ESR1: variants seen among roughly 807,000 people sequenced by gnomAD.
ESR1 encodes estrogen receptor.
Under a neutral mutation model 52.7 loss-of-function variants are expected in ESR1, and 12 were observed. The ratio of observed to expected loss-of-function variants is 0.23; its 90% CI spans 0.15 to 0.37. The LOEUF (loss-of-function observed/expected upper bound fraction) is 0.37, where lower values mean the gene tolerates loss of function less well. Ranked by LOEUF, ESR1 falls within the 10% of genes least tolerant of loss-of-function variation. The probability of loss-of-function intolerance (pLI) is 1.00; values close to 1 mark genes in which losing one functional copy is unlikely to be tolerated. For synonymous variants in ESR1, 305 were observed against 316.8 expected (o/e 0.96, Z 0.39); for missense variants, 584 against 779.7 (o/e 0.75, Z 2.99).
At chr6:151,667,094 T>G (rs1354149494) in intron 1 of ESR1, among the ~76,000 whole-genome samples, 3 of 152,204 alleles carry the variant, frequency 2.0e-5, no homozygotes, top group Non-Finnish European at 4.4e-5. Context: ...ATAGATTTGC[T>G]GTCTGGCCCA....
chr6:151,751,363 A>G (rs1035547846), intron 2 of ESR1, among the ~76,000 whole-genome samples: 5 of 152,168 alleles, frequency 3.3e-5, no homozygotes, highest in Admixed American at 3.3e-4. Context: ...TTTTAATGTT[A>G]CTACTTCTGG....
At position 152,100,759 on chromosome 6, in the gene ESR1, G is replaced by A. The variant is rs1228625090; in HGVS notation, c.*1793G>A. 24 of 208,772 alleles carry A rather than the reference G, an allele frequency of 1.1e-4. No individual in the cohort carries two copies. The highest frequency in any genetic ancestry group is 1.1e-3 in the South Asian group (5 of 4,610). 12.9% of individuals were successfully genotyped at this position (208,772 alleles called of 1,614,324 possible). On this transcript the variant is annotated 3_prime_UTR_variant, in exon 8 of 8. Transcript: ENST00000206249. ...AGTTAAGTGATCACCAAAGGACTGA[G>A]AATCTGGGAGGGCAAAAAAAAAAAA...
At chr6:151,820,608 A>G (rs1484095712) in intron 1 of ESR1, among the ~76,000 whole-genome samples, 1 of 152,206 alleles carries the variant, frequency 6.6e-6, no homozygotes, top group Non-Finnish European at 1.5e-5. Flanking sequence ...AACCCACGAC[A>G]TTATGCAGAG....
At chr6:151,798,094 G>A (rs185595379) in intron 2 of ESR1, among the ~76,000 whole-genome samples, 14 of 152,292 alleles carry the variant, frequency 9.2e-5, no homozygotes, top group Admixed American at 7.2e-4. Context: ...GCCTGAGAAG[G>A]CTGTGTTGAG....
chr6:152,101,185 G>A lies in ESR1; in HGVS notation c.*2219G>A, dbSNP rs979668915. 4.3e-6 allele frequency: 1 copy of A among 231,784 alleles called. No individual in the cohort carries two copies. Among genetic ancestry groups the A allele is most frequent in the Non-Finnish European group, 8.5e-6 (1 of 117,058 alleles). The allele number at this position is 231,784 out of a possible 1,614,324, so 14.4% of individuals were successfully genotyped here. A position where few individuals can be genotyped will look rare whatever the true frequency, so the allele number is the denominator to read the frequency against. On this transcript the variant is annotated 3_prime_UTR_variant, in exon 8 of 8. Transcript: ENST00000206249. The stretch of plus-strand genomic sequence containing the variant: ...TAGACAAAATAGCACTAATCCAGAT[G>A]CCTATTGTTGGATACTGAATGACAG...
chr6:151,853,585 A>G (rs1787285436), intron 2 of ESR1, among the ~76,000 whole-genome samples: 1 of 152,206 alleles, frequency 6.6e-6, no homozygotes, highest in Non-Finnish European at 1.5e-5. Flanking sequence ...AAATAAAATC[A>G]GTATAGAACC....
At chr6:151,764,058 T>C (rs1583179242) in intron 2 of ESR1, among the ~76,000 whole-genome samples, 1 of 151,426 alleles carries the variant, frequency 6.6e-6, no homozygotes, top group Non-Finnish European at 1.5e-5. Flanking sequence ...AGCGCGGGGG[T>C]GTGGCTCTCC....
intron 2 of ESR1, among the ~76,000 whole-genome samples, chr6:151,753,680 C>T (rs533636570): frequency 6.6e-5 from 10 of 152,204 alleles, no homozygotes; most frequent in South Asian, 2.1e-4. Context: ...CAGATATTGC[C>T]GTAGTGTTTC....
chr6:152,011,248 C>T (rs1410812455), intron 4 of ESR1, among the ~76,000 whole-genome samples: 1 of 152,094 alleles, frequency 6.6e-6, no homozygotes. Flanking sequence ...GCCCCAATTC[C>T]TATTGGGCAT....
At chr6:152,109,707 A>G (rs2051109157) in intron 6 of ESR1, among the ~76,000 whole-genome samples, 1 of 152,212 alleles carries the variant, frequency 6.6e-6, no homozygotes, top group Non-Finnish European at 1.5e-5. Flanking sequence ...AACAACAACA[A>G]AAACAGTTGC....
chr6:151,914,997 G>T (rs577818470), intron 3 of ESR1, among the ~76,000 whole-genome samples: 10 of 152,206 alleles, frequency 6.6e-5, no homozygotes, highest in African/African-American at 2.4e-4. Flanking sequence ...AAAGCATTAG[G>T]TTGAATATCC....
chr6:151,964,484 T>A (rs1201518843), intron 4 of ESR1, among the ~76,000 whole-genome samples: 2 of 152,148 alleles, frequency 1.3e-5, no homozygotes, highest in Non-Finnish European at 2.9e-5. Context: ...TTTATTATTA[T>A]ATAGAAAAGC....
Position 151,698,822 on chromosome 6 carries a change from C to T in ESR1, c.-201-3053C>T, listed in dbSNP as rs188830613. On this transcript the variant is annotated intron_variant, in intron 1 of 2. Coordinates refer to the ESR1 transcript ENST00000404742. ...TGCCTGGGCTTTGAATTTTGAGCAG[C>T]GAAGTACCAGGAGAGGGTGACATGA... Among the ~76,000 whole-genome samples the T allele has an allele frequency of 5.3e-4, 81 of 152,260 alleles. 1 individual carries two copies. Among genetic ancestry groups the T allele is most frequent in the Non-Finnish European group, 8.8e-5 (6 of 68,022 alleles).
At chr6:151,901,639 C>T (rs1796713253) in intron 3 of ESR1, among the ~76,000 whole-genome samples, 1 of 152,218 alleles carries the variant, frequency 6.6e-6, no homozygotes, top group African/African-American at 2.4e-5. Context: ...CCCTTTATTT[C>T]ACTCAGCTGT....
chr6:151,766,925 A>G (rs555627617), intron 2 of ESR1, among the ~76,000 whole-genome samples: 1 of 152,340 alleles, frequency 6.6e-6, no homozygotes, highest in East Asian at 1.9e-4. Context: ...TCATCTCGTA[A>G]ATGACAGATA....
upstream of ESR1, among the ~76,000 whole-genome samples, chr6:151,801,894 A>C (rs1182772828): frequency 1.3e-5 from 2 of 152,240 alleles, no homozygotes; most frequent in Non-Finnish European, 2.9e-5. Flanking sequence ...AATGCGGTAC[A>C]TGCACTTCAA....
intron 3 of ESR1, among the ~76,000 whole-genome samples, chr6:151,930,262 G>A (rs1172393267): frequency 6.6e-6 from 1 of 152,144 alleles, no homozygotes; most frequent in Non-Finnish European, 1.5e-5. Context: ...TGGGTTTACA[G>A]GAGTGAGCCA....
At chr6:151,974,404 G>A (rs958258736) in intron 4 of ESR1, among the ~76,000 whole-genome samples, 3 of 152,156 alleles carry the variant, frequency 2.0e-5, no homozygotes, top group East Asian at 1.9e-4. Context: ...AGAGGCTGCC[G>A]GAGGTCACAC....
At chr6:152,125,198 G>C (rs762417617) in intron 6 of ESR1, 89 of 1,518,592 alleles carry the variant, frequency 5.9e-5, no homozygotes, top group Admixed American at 2.0e-4. Flanking sequence ...ACTCTCTGCT[G>C]TGAAATGTTT....
Sources: allele counts gnomAD v4.1 joint callset (sites outside exome capture counted in the v4.1 genomes callset), GRCh38; gene constraint gnomAD v4.1.1; transcripts MANE v1.5; gene names NCBI Gene and HGNC (gene_info 2026-07-23, HGNC 2026-07-21).